Variants in CIT observed in about 807,000 individuals in gnomAD.
CIT encodes the protein citron Rho-interacting kinase.
In CIT, 79 loss-of-function variants were observed where a neutral mutation model predicts 272.7. The observed-to-expected ratio is 0.29, with a 90% CI of 0.24 to 0.35. The LOEUF (loss-of-function observed/expected upper bound fraction) is 0.35. CIT is among the 10% of genes least tolerant of loss of function. The pLI is 1.00. For missense variants in CIT, 1,909 were observed against 2,618.3 expected (o/e 0.73, Z 5.91); for synonymous variants, 948 against 995.6 (o/e 0.95, Z 0.90).
chr12:119,823,041 GA>G, intron 8 of CIT, 68 bp from the exon 9 acceptor site: 1 of 1,473,276 alleles, frequency 6.8e-7, no homozygotes, highest in Non-Finnish European at 9.2e-7. Flanking sequence ...GCAAAGTGAA[GA>G]AAGTATTTCT....
Position 119,819,618 on chromosome 12 carries a change from CT to C in CIT, c.1111+3201del, listed in dbSNP as rs569133974. On this transcript the variant is annotated intron_variant, in intron 9 of 47. Coordinates refer to ENST00000392521, the MANE Select transcript of CIT (RefSeq NM_001206999.2). The stretch of plus-strand genomic sequence containing the variant: ...TGAAACCGCACAAAGGCTAATGTTG[CT>C]TTTAACAAGGGACAATCTCTTATTG... Among the ~76,000 whole-genome samples, 7 of 152,288 alleles carry C rather than the reference CT, an allele frequency of 4.6e-5. No homozygotes were observed. The East Asian group carries it at 1.3e-3, about 29-fold the overall frequency.
chr12:119,833,872 T>G (rs540469227), intron 6 of CIT, among the ~76,000 whole-genome samples: 1 of 152,186 alleles, frequency 6.6e-6, no homozygotes, highest in Non-Finnish European at 1.5e-5. Flanking sequence ...TTGAGCACAT[T>G]ACAATTCTAG....
Position 119,710,670 on chromosome 12 carries a change from C to T in CIT, c.4855-50G>A. 1 of 1,534,378 alleles carries T rather than the reference C, an allele frequency of 6.5e-7. No individual in the cohort carries two copies. The highest frequency in any genetic ancestry group is 9.0e-7 in the Non-Finnish European group (1 of 1,107,590). On this transcript the variant is annotated intron_variant, in intron 37 of 47. Transcript: ENST00000392521. The surrounding 1 kb of genome is among the most constrained non-coding windows in gnomAD (Gnocchi z 5.6). The stretch of plus-strand genomic sequence containing the variant: ...AAACAGAAGACATCGTGAGGCTGAT[C>T]TGTTTATGACCAAACCATCCAGAGA...
intron 10 of CIT, among the ~76,000 whole-genome samples, chr12:119,790,589 C>T (rs1308357088): frequency 2.0e-5 from 3 of 152,082 alleles, no homozygotes; most frequent in East Asian, 3.9e-4. Flanking sequence ...GAGAGAGACA[C>T]CCAGAGAGGG....
chr12:119,702,300 AG>A (rs1488284586), intron 41 of CIT, among the ~76,000 whole-genome samples: 4 of 152,138 alleles, frequency 2.6e-5, no homozygotes, highest in Admixed American at 2.0e-4. Context: ...CAGGATGAAC[AG>A]TGATCCATTT....
At chr12:119,810,675 C>T (rs1214687832) in intron 9 of CIT, among the ~76,000 whole-genome samples, 1 of 147,870 alleles carries the variant, frequency 6.8e-6, no homozygotes, top group Non-Finnish European at 1.5e-5. Flanking sequence ...TGCCTCCAGC[C>T]TGGGCAGCAG....
At chr12:119,790,079 C>A (rs181252390) in intron 10 of CIT, among the ~76,000 whole-genome samples, 1 of 152,152 alleles carries the variant, frequency 6.6e-6, no homozygotes, top group East Asian at 1.9e-4. Flanking sequence ...CAAGTGATTG[C>A]TGATAATTGC....
intron 32 of CIT, among the ~76,000 whole-genome samples, chr12:119,715,579 T>G (rs1593451873): frequency 2.0e-5 from 3 of 147,292 alleles, no homozygotes; most frequent in South Asian, 2.2e-4. Context: ...ATTTTTTGGG[T>G]GGGGGGGTGT....
At position 119,721,357 on chromosome 12, in the gene CIT, T is replaced by G; in HGVS notation, c.3684A>C (p.Leu1228=). ...GLQEALDRAD[L]LKTERSDLEY... Reference sequence around the variant, plus strand: ...CCAAGTCACTTCTTTCTGTCTTCAGTAGATCAGCCCGATCTAGAGCTTCTT... The same window carrying G: ...CCAAGTCACTTCTTTCTGTCTTCAGGAGATCAGCCCGATCTAGAGCTTCTT... Residue 1228 remains leucine (L), a synonymous_variant, in exon 29 of 48, where the codon CTA becomes CTC. Coordinates refer to ENST00000392521, the MANE Select transcript of CIT (RefSeq NM_001206999.2). The G allele has an allele frequency of 3.1e-6, 5 of 1,611,362 alleles. No homozygotes were observed. Among genetic ancestry groups the G allele is most frequent in the Non-Finnish European group, 4.2e-6 (5 of 1,177,658 alleles).
intron 20 of CIT, 21 bp from the exon 21 acceptor site, chr12:119,758,721 G>T: frequency 6.7e-7 from 1 of 1,485,684 alleles, no homozygotes; most frequent in Non-Finnish European, 9.4e-7. Flanking sequence ...GGGCACCTAT[G>T]AAACTTCACA....
Position 119,851,287 on chromosome 12 carries a change from C to T in CIT, c.415-1012G>A, listed in dbSNP as rs1186231565. On this transcript the variant is annotated intron_variant, in intron 4 of 47. Coordinates refer to ENST00000392521, the MANE Select transcript of CIT (RefSeq NM_001206999.2). ...ATGTATATGTGTGTGTGTGAGTGCA[C>T]GCACATGTGTAGGTGGATATATTGT... Among the ~76,000 whole-genome samples the T allele has an allele frequency of 2.0e-5, 3 of 152,218 alleles. 1 individual carries two copies. Among genetic ancestry groups the T allele is most frequent in the Admixed American group, 1.3e-4 (2 of 15,276 alleles).
In CIT at chr12:119,734,255, C is replaced by T; in HGVS notation, c.3259G>A (p.Ala1087Thr). Residue 1087 changes from alanine (A) to threonine (T), a missense_variant, in exon 26 of 48, where the codon GCC becomes ACC. Transcript: ENST00000392521. The part of the protein sequence containing the change: ...ELLEKERQWE[A>T]WRSVLGDEKS... ...TCATCACCCAGGACGCTCCTCCAGG[C>T]CTCCCACTGCCGCTCTTTTTCTAGC... 6.2e-7 allele frequency: 1 copy of T among 1,614,048 alleles called. No individual in the cohort carries two copies.
chr12:119,757,312 C>A, intron 22 of CIT, 59 bp downstream of exon 22: 1 of 1,597,462 alleles, frequency 6.3e-7, no homozygotes, highest in Non-Finnish European at 8.5e-7. Context: ...CGAAAGCTGA[C>A]TTGTTCAGAG....
rs374517564 is a variant in CIT, at chr12:119,730,856, G to A, written c.3351-226C>T. Among the ~76,000 whole-genome samples, 21 of 152,308 alleles carry A rather than the reference G, an allele frequency of 1.4e-4. 1 individual carries two copies. The highest frequency in any genetic ancestry group is 3.6e-4 in the African/African-American group (15 of 41,570). On this transcript the variant is annotated intron_variant, in intron 26 of 47. Coordinates refer to ENST00000392521, the MANE Select transcript of CIT (RefSeq NM_001206999.2). ...AGGAAAAACAAAACAGGCCAGGCAC[G>A]GTGGCTCATGCCTGTAATCCCAGCA...
At chr12:119,848,730 A>G (rs955989562) in intron 5 of CIT, among the ~76,000 whole-genome samples, 1 of 152,192 alleles carries the variant, frequency 6.6e-6, no homozygotes, top group Non-Finnish European at 1.5e-5. Flanking sequence ...GGATATAGAA[A>G]TATCCCCCAC....
chr12:119,833,703 G>A (rs1968805825), intron 6 of CIT, among the ~76,000 whole-genome samples: 1 of 151,242 alleles, frequency 6.6e-6, no homozygotes, highest in African/African-American at 2.4e-5. Context: ...AATTCTAACG[G>A]GCAGAGTTAG....
intron 32 of CIT, among the ~76,000 whole-genome samples, chr12:119,715,394 C>A (rs1208776802): frequency 6.6e-6 from 1 of 152,154 alleles, no homozygotes; most frequent in Non-Finnish European, 1.5e-5. Context: ...ATGGGTGAAC[C>A]TTGAAAACAT....
intron 10 of CIT, among the ~76,000 whole-genome samples, chr12:119,793,955 C>T (rs1473597441): frequency 6.6e-6 from 1 of 152,190 alleles, no homozygotes; most frequent in African/African-American, 2.4e-5. Context: ...CCCAGGTTCT[C>T]GAACAGCCCC....
chr12:119,694,023 G>A lies in CIT; in HGVS notation c.5883-3569C>T, dbSNP rs768960265. Among the ~76,000 whole-genome samples, 5 of 152,118 alleles carry A rather than the reference G, an allele frequency of 3.3e-5. No individual in the cohort carries two copies. Among genetic ancestry groups the A allele is most frequent in the East Asian group, 1.9e-4 (1 of 5,194 alleles). On this transcript the variant is annotated intron_variant, in intron 46 of 47. Coordinates refer to ENST00000392521, the MANE Select transcript of CIT (RefSeq NM_001206999.2). The surrounding 1 kb of genome is among the most constrained non-coding windows in gnomAD (Gnocchi z 4.5). ...AGATTATCTTAGGTCATTTATTCCC[G>A]GGGTTAAATAATCTCAGACCTTCTT...
Sources: allele counts gnomAD v4.1 joint callset (sites outside exome capture counted in the v4.1 genomes callset), GRCh38; gene constraint gnomAD v4.1.1; non-coding constraint Gnocchi (gnomAD v3.1); transcripts MANE v1.5; gene names NCBI Gene and HGNC (gene_info 2026-07-23, HGNC 2026-07-21).